RBFOX1: variants seen among roughly 807,000 people sequenced by gnomAD.
RBFOX1 encodes RNA binding fox-1 homolog 1, also known as RNA binding protein fox-1 homolog 1.
RBFOX1 carries 8 observed loss-of-function variants against 57.7 expected under a neutral mutation model. That is an observed-to-expected ratio of 0.14 (90% CI 0.08 to 0.25). RBFOX1 has a LOEUF of 0.25. Ranked by LOEUF, RBFOX1 falls within the 10% of genes least tolerant of loss-of-function variation. RBFOX1 has a pLI of 1.00. For missense variants in RBFOX1, 611 were observed against 548.5 expected (o/e 1.11, Z -1.14); for synonymous variants, 326 against 222.4 (o/e 1.47, Z -4.15).
intron 4 of RBFOX1, among the ~76,000 whole-genome samples, chr16:5,902,900 A>T (rs898637159): frequency 6.6e-6 from 1 of 152,120 alleles, no homozygotes; most frequent in Non-Finnish European, 1.5e-5. Context: ...CCACATGGAC[A>T]CTTTGACGCG....
intron 4 of RBFOX1, among the ~76,000 whole-genome samples, chr16:5,983,017 G>C (rs1307721076): frequency 6.6e-6 from 1 of 152,164 alleles, no homozygotes; most frequent in African/African-American, 2.4e-5. Context: ...TCAGGTAAGA[G>C]GGTCACACAG....
rs577972892 is a variant in RBFOX1, at chr16:7,341,466, C to T, written c.28-176681C>T. Among the ~76,000 whole-genome samples, 202 of 152,180 alleles carry T rather than the reference C, an allele frequency of 1.3e-3. 2 individuals are homozygous for T. Among genetic ancestry groups the T allele is most frequent in the Admixed American group, 3.2e-3 (49 of 15,290 alleles). Reference sequence around the variant, plus strand: ...TCCCAGTCTCCGTCCTCAGAGGTTGCGTAGGGGGGCCATGCCATTCGCAGT... The same window carrying T: ...TCCCAGTCTCCGTCCTCAGAGGTTGTGTAGGGGGGCCATGCCATTCGCAGT... On this transcript the variant is annotated intron_variant, in intron 4 of 15. Transcript: ENST00000550418.
intron 3 of RBFOX1, among the ~76,000 whole-genome samples, chr16:7,028,250 C>G (rs2041571640): frequency 6.6e-6 from 1 of 152,054 alleles, no homozygotes; most frequent in African/African-American, 2.4e-5. Context: ...AGGGCTTGCT[C>G]TACGTGTAAG....
intron 5 of RBFOX1, among the ~76,000 whole-genome samples, chr16:7,542,102 A>G (rs1333910060): frequency 6.6e-6 from 1 of 152,172 alleles, no homozygotes; most frequent in Non-Finnish European, 1.5e-5. Flanking sequence ...CCTGTTAGGA[A>G]TGGCAGATGA....
At chr16:6,884,918 A>C (rs1053028683) in intron 3 of RBFOX1, among the ~76,000 whole-genome samples, 1 of 152,182 alleles carries the variant, frequency 6.6e-6, no homozygotes, top group African/African-American at 2.4e-5. Context: ...ACAAAACAAA[A>C]AAACCCTGCA....
At chr16:5,250,269 T>C (rs1053661319) in intron 1 of RBFOX1, among the ~76,000 whole-genome samples, 9 of 152,114 alleles carry the variant, frequency 5.9e-5, no homozygotes, top group African/African-American at 2.2e-4. Flanking sequence ...TTCTTTTCTT[T>C]TTATTTTTTA....
chr16:5,588,987 C>A (rs17415179), intron 2 of RBFOX1, among the ~76,000 whole-genome samples: 1 of 152,150 alleles, frequency 6.6e-6, no homozygotes, highest in African/African-American at 2.4e-5. Flanking sequence ...ATGTCATGGC[C>A]TCATAGGAGC....
At chr16:6,016,504 A>C (rs1257809507), upstream of RBFOX1, among the ~76,000 whole-genome samples, 1 of 152,180 alleles carries the variant, frequency 6.6e-6, no homozygotes, top group Non-Finnish European at 1.5e-5. Flanking sequence ...CCTGGGGAAT[A>C]ATGAAGAGCT....
chr16:5,816,188 C>G (rs914953404), intron 3 of RBFOX1, among the ~76,000 whole-genome samples: 1 of 152,186 alleles, frequency 6.6e-6, no homozygotes, highest in Non-Finnish European at 1.5e-5. Context: ...TCCTTCATCT[C>G]TGCTACATCC....
chr16:7,284,211 G>C (rs2095604482), intron 4 of RBFOX1, among the ~76,000 whole-genome samples: 1 of 152,184 alleles, frequency 6.6e-6, no homozygotes, highest in African/African-American at 2.4e-5. Flanking sequence ...AGTTTTTGCT[G>C]ATTATGAAAC....
At chr16:6,157,045 A>G (rs1171290370) in intron 1 of RBFOX1, among the ~76,000 whole-genome samples, 1 of 151,974 alleles carries the variant, frequency 6.6e-6, no homozygotes, top group Non-Finnish European at 1.5e-5. Flanking sequence ...TATGTTGCCT[A>G]GGCTGCTCTC....
chr16:7,293,049 A>T (rs2095824270), intron 4 of RBFOX1, among the ~76,000 whole-genome samples: 1 of 152,178 alleles, frequency 6.6e-6, no homozygotes. Context: ...AGTTTAATCA[A>T]AGTCGAGGGC....
At chr16:6,346,802 T>A (rs1255481823) in intron 2 of RBFOX1, among the ~76,000 whole-genome samples, 1 of 152,184 alleles carries the variant, frequency 6.6e-6, no homozygotes, top group Non-Finnish European at 1.5e-5. Context: ...TTGATGTTAG[T>A]CATGTCAAAC....
chr16:6,860,585 G>A (rs895386487), intron 3 of RBFOX1, among the ~76,000 whole-genome samples: 3 of 152,182 alleles, frequency 2.0e-5, no homozygotes, highest in Admixed American at 1.3e-4. Flanking sequence ...GAGACACATA[G>A]AAGATTCATT....
At chr16:7,291,875 A>G (rs2095783551) in intron 4 of RBFOX1, among the ~76,000 whole-genome samples, 1 of 146,270 alleles carries the variant, frequency 6.8e-6, no homozygotes, top group Non-Finnish European at 1.5e-5. Context: ...CTATATTACT[A>G]TATATAAAAT....
intron 4 of RBFOX1, among the ~76,000 whole-genome samples, chr16:7,396,773 C>T (rs528280060): frequency 2.0e-5 from 3 of 152,106 alleles, no homozygotes; most frequent in Non-Finnish European, 4.4e-5. Flanking sequence ...AACTGCATCT[C>T]TACTAAAAAT....
chr16:6,363,095 T>A (rs1262978260), intron 2 of RBFOX1, among the ~76,000 whole-genome samples: 1 of 152,208 alleles, frequency 6.6e-6, no homozygotes, highest in East Asian at 1.9e-4. Flanking sequence ...AAGAATCATT[T>A]TTTAACTTTA....
chr16:7,027,020 C>G (rs1568429357), intron 3 of RBFOX1, among the ~76,000 whole-genome samples: 1 of 152,222 alleles, frequency 6.6e-6, no homozygotes, highest in East Asian at 1.9e-4. Context: ...CAGCCACAGC[C>G]CACACACTCC....
At chr16:7,468,526 C>G (rs2060951053) in intron 4 of RBFOX1, among the ~76,000 whole-genome samples, 4 of 145,404 alleles carry the variant, frequency 2.8e-5, no homozygotes, top group Non-Finnish European at 4.5e-5. Context: ...TTCTATTTCT[C>G]TATGAAGTTA....
Sources: gnomAD v4.1 joint callset for allele counts (sites outside exome capture counted in the v4.1 genomes callset) on GRCh38, gnomAD v4.1.1 for gene constraint, MANE v1.5 for transcripts, NCBI Gene and HGNC (gene_info 2026-07-23, HGNC 2026-07-21) for gene names.